The following TANC1 variants were observed in gnomAD, a reference collection of about 807,000 sequenced individuals.
TANC1 encodes the protein protein TANC1.
In TANC1, 77 loss-of-function variants were observed where a neutral mutation model predicts 149.7. That is an observed-to-expected ratio of 0.51 (90% CI 0.43 to 0.62). The LOEUF (loss-of-function observed/expected upper bound fraction) is 0.62. TANC1 is among the 20% of genes least tolerant of loss of function. The pLI, the probability that TANC1 is intolerant of heterozygous loss-of-function variation, is 0.00. For synonymous variants in TANC1, 854 were observed against 925.0 expected, an observed-to-expected ratio of 0.92 and a Z score of 1.39; for missense variants, 1,985 against 2,321.8, an observed-to-expected ratio of 0.85 and a Z score of 2.98.
intron 1 of TANC1, among the ~76,000 whole-genome samples, chr2:158,989,421 G>A (rs552594874): frequency 2.6e-5 from 4 of 151,484 alleles, no homozygotes; most frequent in South Asian, 2.1e-4. Flanking sequence ...GCCTGGCAAC[G>A]TAGTGAGACC....
chr2:159,054,425 C>T (rs1024517164), intron 2 of TANC1, among the ~76,000 whole-genome samples: 4 of 152,096 alleles, frequency 2.6e-5, no homozygotes, highest in Admixed American at 6.5e-5. Flanking sequence ...AATCACCCTG[C>T]GTGGGTATTG....
At chr2:159,054,365 G>T (rs868051707) in intron 2 of TANC1, among the ~76,000 whole-genome samples, 1 of 152,130 alleles carries the variant, frequency 6.6e-6, no homozygotes, top group Non-Finnish European at 1.5e-5. Flanking sequence ...ATGGATAGTG[G>T]TAAATAAGGG....
At position 159,098,403 on chromosome 2, in the gene TANC1, C is replaced by T. The variant is rs182907990; in HGVS notation, c.259+569C>T. ...TTTGTGAAGTACACTTGAGGATGTTCGCACAATGACAAAATCACCTAATGA... is the reference window on the plus strand; with the variant it reads ...TTTGTGAAGTACACTTGAGGATGTTTGCACAATGACAAAATCACCTAATGA... On this transcript the variant is annotated intron_variant, in intron 4 of 26. Coordinates refer to ENST00000263635, the MANE Select transcript of TANC1 (RefSeq NM_033394.3). Among the ~76,000 whole-genome samples the T allele has an allele frequency of 1.1e-4, 17 of 152,276 alleles. No individual in the cohort carries two copies. The East Asian group carries it at 2.1e-3, about 19-fold the overall frequency.
intron 6 of TANC1, chr2:159,149,832 C>T (rs2052581815): frequency 5.9e-6 from 1 of 168,610 alleles, no homozygotes; most frequent in Non-Finnish European, 1.3e-5. Context: ...GGAGCTTCTA[C>T]CCTGGTGAAG....
intron 7 of TANC1, among the ~76,000 whole-genome samples, chr2:159,152,125 T>C (rs2052883770): frequency 6.6e-6 from 1 of 152,220 alleles, no homozygotes; most frequent in Non-Finnish European, 1.5e-5. Context: ...TTCTTTTCAC[T>C]CAGCTTGAAG....
chr2:159,081,933 G>C (rs1444494306), intron 3 of TANC1, among the ~76,000 whole-genome samples: 1 of 152,242 alleles, frequency 6.6e-6, no homozygotes, highest in Non-Finnish European at 1.5e-5. Context: ...CCAGTGACCA[G>C]CCCTTCTCAG....
chr2:159,037,046 G>A (rs575432947), intron 2 of TANC1, among the ~76,000 whole-genome samples: 26 of 152,242 alleles, frequency 1.7e-4, no homozygotes, highest in African/African-American at 5.8e-4. Context: ...TTTAATGATC[G>A]CCGTTCTAAC....
chr2:159,212,652 TG>T (rs2059065583), intron 19 of TANC1, among the ~76,000 whole-genome samples: 1 of 152,128 alleles, frequency 6.6e-6, no homozygotes, highest in Non-Finnish European at 1.5e-5. Context: ...CTGGGCATGG[TG>T]GTTCACGCCT....
intron 2 of TANC1, among the ~76,000 whole-genome samples, chr2:159,047,557 C>T (rs1172306478): frequency 6.6e-6 from 1 of 152,134 alleles, no homozygotes; most frequent in Non-Finnish European, 1.5e-5. Context: ...ATCTCATTGC[C>T]TCCTTTGGAA....
chr2:159,147,286 G>T (rs947160998), intron 5 of TANC1, among the ~76,000 whole-genome samples: 1 of 152,220 alleles, frequency 6.6e-6, no homozygotes, highest in East Asian at 1.9e-4. Flanking sequence ...GAAAGGGAAG[G>T]GGGGTGTGGA....
Position 158,987,621 on chromosome 2 carries a change from T to C in TANC1, c.-125-13459T>C, listed in dbSNP as rs933712505. 2.0e-5 allele frequency among the ~76,000 whole-genome samples: 3 copies of C among 152,154 alleles called. 1 individual carries two copies. ...TATAATTAGTCCTAACCAGCCTAGG[T>C]TCCCCTTCCCCTCTGTCATGCATGT... On this transcript the variant is annotated intron_variant, in intron 1 of 26. Coordinates refer to ENST00000263635, the MANE Select transcript of TANC1 (RefSeq NM_033394.3).
chr2:159,125,580 T>TCCCTCCCG (rs1163987826), intron 4 of TANC1, among the ~76,000 whole-genome samples: 1 of 138,182 alleles, frequency 7.2e-6, no homozygotes, highest in Admixed American at 7.3e-5. Context: ...CCTTCCTCCC[T>TCCCTCCCG]CCCTCCCTTC....
At chr2:159,058,665 A>C (rs149021832) in intron 2 of TANC1, among the ~76,000 whole-genome samples, 1 of 152,226 alleles carries the variant, frequency 6.6e-6, no homozygotes, top group Non-Finnish European at 1.5e-5. Flanking sequence ...GGATTGAACA[A>C]ATCCCTTTAC....
At chr2:159,228,751 T>C (rs377327645) in intron 25 of TANC1, 45 bp from the exon 26 acceptor site, 1 of 1,404,540 alleles carries the variant, frequency 7.1e-7, no homozygotes, top group Non-Finnish European at 1.0e-6. Flanking sequence ...CCCACAATCG[T>C]GTGTCCAGGC....
intron 2 of TANC1, among the ~76,000 whole-genome samples, chr2:159,060,309 G>A (rs2042149417): frequency 6.6e-6 from 1 of 152,184 alleles, no homozygotes; most frequent in South Asian, 2.1e-4. Flanking sequence ...TTGCTTTGAG[G>A]CCAGGTGGAT....
At position 159,170,502 on chromosome 2, in the gene TANC1, A is replaced by T. The variant is rs779303517; in HGVS notation, c.1070-22A>T. The stretch of plus-strand genomic sequence containing the variant: ...TATAAAATTATGACATTTTTCTAAA[A>T]TTTTTTTTTCTTCTTTTGAAGCACG... On this transcript the variant is annotated intron_variant, in intron 9 of 26. Coordinates refer to ENST00000263635, the MANE Select transcript of TANC1 (RefSeq NM_033394.3). 3.7e-5 allele frequency: 57 copies of T among 1,551,734 alleles called. 1 individual carries two copies. The highest frequency in any genetic ancestry group is 3.3e-4 in the South Asian group (27 of 82,316).
rs532060022 is a variant in TANC1, at chr2:159,189,115, C to T, written c.2742+2091C>T. 5.3e-5 allele frequency among the ~76,000 whole-genome samples: 8 copies of T among 152,312 alleles called. No homozygotes were observed. In the South Asian group the frequency reaches 1.4e-3, roughly 28 times the overall value. ...AGGCTGTCTCTCAAGTGATGAGAAA[C>T]CTTACTGAGATGTTAAAGGTACTGG... On this transcript the variant is annotated intron_variant, in intron 16 of 26. Transcript: ENST00000263635.
chr2:159,141,714 T>G (rs2051389124), intron 5 of TANC1, among the ~76,000 whole-genome samples: 1 of 152,178 alleles, frequency 6.6e-6, no homozygotes, highest in South Asian at 2.1e-4. Context: ...GCTGTGAGAC[T>G]AGGCAAGTTA....
chr2:159,156,554 G>A (rs2053461697), intron 7 of TANC1, among the ~76,000 whole-genome samples: 1 of 152,188 alleles, frequency 6.6e-6, no homozygotes, highest in African/African-American at 2.4e-5. Context: ...CCACTTGTGG[G>A]ACTACAAAAT....
Sources: gnomAD v4.1 joint callset for allele counts (sites outside exome capture counted in the v4.1 genomes callset) on GRCh38, gnomAD v4.1.1 for gene constraint, MANE v1.5 for transcripts, NCBI Gene and HGNC (gene_info 2026-07-23, HGNC 2026-07-21) for gene names.